Variants in FMNL2 observed in about 807,000 individuals in gnomAD.
FMNL2 encodes the protein formin like 2.
In FMNL2, 51 loss-of-function variants were observed where a neutral mutation model predicts 130.2. The observed-to-expected ratio is 0.39, with a 90% CI of 0.31 to 0.49. The LOEUF (loss-of-function observed/expected upper bound fraction) is 0.49. FMNL2 is among the 20% of genes least tolerant of loss of function. The probability of loss-of-function intolerance (pLI) is 0.85; values close to 1 mark genes in which losing one functional copy is unlikely to be tolerated. For missense variants in FMNL2, 977 were observed against 1,316.2 expected (o/e 0.74, Z 3.99); for synonymous variants, 465 against 467.1 (o/e 1.00, Z 0.06).
At chr2:152,423,208 A>G (rs1397928393) in intron 1 of FMNL2, among the ~76,000 whole-genome samples, 1 of 152,208 alleles carries the variant, frequency 6.6e-6, no homozygotes, top group Non-Finnish European at 1.5e-5. Flanking sequence ...TTTAATTTTA[A>G]TCAAACAATA....
chr2:152,424,742 C>A (rs1257284391), intron 1 of FMNL2, among the ~76,000 whole-genome samples: 1 of 152,158 alleles, frequency 6.6e-6, no homozygotes, highest in East Asian at 1.9e-4. Context: ...TTGCTTCTGG[C>A]AGACTTTCAT....
intron 5 of FMNL2, among the ~76,000 whole-genome samples, chr2:152,560,240 TA>T (rs1421817256): frequency 6.6e-6 from 1 of 152,152 alleles, no homozygotes; most frequent in African/African-American, 2.4e-5. Flanking sequence ...CCTGTCTGTT[TA>T]AAAACTTTGT....
At chr2:152,461,308 TATC>T (rs1185328422) in intron 1 of FMNL2, among the ~76,000 whole-genome samples, 1 of 152,174 alleles carries the variant, frequency 6.6e-6, no homozygotes, top group Non-Finnish European at 1.5e-5. Flanking sequence ...TATATTAAAA[TATC>T]ATTCCAACAT....
chr2:152,421,880 G>A (rs1686942791), intron 1 of FMNL2, among the ~76,000 whole-genome samples: 1 of 152,164 alleles, frequency 6.6e-6, no homozygotes, highest in Non-Finnish European at 1.5e-5. Context: ...TGAAGTAATT[G>A]CTATTACTGC....
intron 1 of FMNL2, among the ~76,000 whole-genome samples, chr2:152,388,674 T>A (rs954750602): frequency 6.6e-6 from 1 of 152,202 alleles, no homozygotes; most frequent in African/African-American, 2.4e-5. Flanking sequence ...TTCAAGTGCC[T>A]AATGTCACCA....
intron 1 of FMNL2, among the ~76,000 whole-genome samples, chr2:152,352,509 A>G (rs1682553620): frequency 6.6e-6 from 1 of 152,246 alleles, no homozygotes; most frequent in Non-Finnish European, 1.5e-5. Flanking sequence ...TATATGTAGA[A>G]TAAATATAAA....
intron 1 of FMNL2, among the ~76,000 whole-genome samples, chr2:152,513,317 T>C (rs2105368042): frequency 6.6e-6 from 1 of 152,300 alleles, no homozygotes; most frequent in East Asian, 1.9e-4. Context: ...GGTGAGGACT[T>C]AAGATTTACC....
At chr2:152,477,301 T>G (rs1362781297) in intron 1 of FMNL2, among the ~76,000 whole-genome samples, 3 of 152,254 alleles carry the variant, frequency 2.0e-5, no homozygotes, top group Non-Finnish European at 4.4e-5. Context: ...CTTTTGGAGC[T>G]AGAGTTTTTA....
intron 21 of FMNL2, among the ~76,000 whole-genome samples, 163 bp downstream of exon 21, chr2:152,632,300 C>G (rs1026519255): frequency 1.3e-5 from 2 of 151,958 alleles, no homozygotes. Flanking sequence ...TTGTCCACCC[C>G]TGAGAGCAGA....
rs1302783731 is a variant in FMNL2, at chr2:152,619,020, G to T, written c.1489G>T (p.Val497Leu). Residue 497 changes from valine to leucine, a missense_variant, in exon 14 of 26, where the codon GTG (valine) becomes TTG (leucine). By Grantham distance (32) the Val-to-Leu change is conservative. This residue lies in a region of FMNL2 where 689 missense variants were observed against 995.9 expected (regional missense o/e 0.69). Transcript: ENST00000288670. The stretch of plus-strand genomic sequence containing the variant: ...TGGGGATATCGCCATACTGCCAGTT[G>T]TGGCTTCTGGCACATTGTCCATGGG... ...GDGDIAILPVVASGTLSMGSE... is the reference protein window; with the variant it reads ...GDGDIAILPVLASGTLSMGSE... 1 of 1,614,056 alleles carries T rather than the reference G, an allele frequency of 6.2e-7. No homozygotes were observed.
At chr2:152,511,260 C>G (rs1692484586) in intron 1 of FMNL2, among the ~76,000 whole-genome samples, 1 of 152,198 alleles carries the variant, frequency 6.6e-6, no homozygotes, top group Admixed American at 6.5e-5. Context: ...TTTAAGGACC[C>G]TGTGATTATA....
intron 10 of FMNL2, 131 bp downstream of exon 10, chr2:152,607,544 A>T (rs1202485984): frequency 7.3e-6 from 5 of 681,824 alleles, no homozygotes; most frequent in Non-Finnish European, 1.3e-5. Flanking sequence ...TGCAATTAAT[A>T]TGCTATAGAT....
chr2:152,367,232 C>G (rs879453917), intron 1 of FMNL2, among the ~76,000 whole-genome samples: 3 of 152,016 alleles, frequency 2.0e-5, no homozygotes, highest in Non-Finnish European at 4.4e-5. Flanking sequence ...CCTGCTGCCA[C>G]TCCCAGCTAA....
chr2:152,386,496 C>A (rs961998568), intron 1 of FMNL2, among the ~76,000 whole-genome samples: 3 of 121,866 alleles, frequency 2.5e-5, no homozygotes, highest in Non-Finnish European at 5.2e-5. Flanking sequence ...TGTGGTAAGT[C>A]CTTTGACCAT....
intron 1 of FMNL2, 26 bp downstream of exon 1, chr2:152,335,746 C>T: frequency 6.6e-7 from 1 of 1,526,024 alleles, no homozygotes; most frequent in Non-Finnish European, 8.8e-7. Context: ...CGGTCGGGCG[C>T]GGGGACCCGG....
chr2:152,587,636 G>A (rs920186029), intron 9 of FMNL2, among the ~76,000 whole-genome samples: 2 of 152,174 alleles, frequency 1.3e-5, no homozygotes, highest in African/African-American at 4.8e-5. Context: ...TTCATAGGAT[G>A]TCCAAGTTTA....
chr2:152,608,119 G>A (rs12471268), intron 10 of FMNL2, among the ~76,000 whole-genome samples: 17,876 of 152,002 alleles, frequency 0.12, 1,366 homozygotes, highest in Admixed American at 0.21. Flanking sequence ...GAAGTTTTAC[G>A]CTTGAGTGCA....
chr2:152,444,544 G>T (rs1688235653), intron 1 of FMNL2, among the ~76,000 whole-genome samples: 1 of 152,184 alleles, frequency 6.6e-6, no homozygotes, highest in Admixed American at 6.5e-5. Flanking sequence ...ACACATTACA[G>T]AAATAGACTC....
intron 1 of FMNL2, among the ~76,000 whole-genome samples, chr2:152,490,221 G>A (rs565663978): frequency 1.3e-5 from 2 of 151,940 alleles, no homozygotes; most frequent in South Asian, 4.2e-4. Context: ...ATAGAAGTGA[G>A]CATGAGGCCA....
Sources: gnomAD v4.1 joint callset for allele counts (sites outside exome capture counted in the v4.1 genomes callset) on GRCh38, gnomAD v4.1.1 for gene constraint, gnomAD v4.1.1 regional missense constraint, MANE v1.5 for transcripts, NCBI Gene and HGNC (gene_info 2026-07-23, HGNC 2026-07-21) for gene names.